The following MTSS1 variants were observed in gnomAD, a reference collection of about 807,000 sequenced individuals.
The protein encoded by MTSS1 is protein MTSS 1.
In MTSS1, 18 loss-of-function variants were observed where a neutral mutation model predicts 79.0. The observed-to-expected ratio is 0.23, with a 90% CI of 0.16 to 0.34. The LOEUF (loss-of-function observed/expected upper bound fraction) is 0.34, where lower values mean the gene tolerates loss of function less well. Among genes scored for constraint, MTSS1 ranks in the 10% least tolerant of loss-of-function variants. MTSS1 has a pLI of 1.00. For synonymous variants in MTSS1, 341 were observed against 368.6 expected, an observed-to-expected ratio of 0.93 and a Z score of 0.86; for missense variants, 815 against 986.2, an observed-to-expected ratio of 0.83 and a Z score of 2.33.
intron 6 of MTSS1, 60 bp downstream of exon 6, chr8:124,585,027 C>G: frequency 6.8e-7 from 1 of 1,474,030 alleles, no homozygotes; most frequent in Non-Finnish European, 9.4e-7. Flanking sequence ...CCTTTCACTT[C>G]AAAAACAAAT....
chr8:124,666,049 C>T (rs1484025531), intron 3 of MTSS1, among the ~76,000 whole-genome samples: 1 of 152,180 alleles, frequency 6.6e-6, no homozygotes, highest in Non-Finnish European at 1.5e-5. Flanking sequence ...AGAGACAACA[C>T]ACATATTAAT....
chr8:124,660,432 GCACACACACACACACA>G (rs5894719), intron 3 of MTSS1, among the ~76,000 whole-genome samples: 4 of 140,704 alleles, frequency 2.8e-5, no homozygotes, highest in Admixed American at 7.1e-5. Context: ...CCATGCGCAT[GCACACACACACACACA>G]CACACACACA....
chr8:124,595,902 G>A (rs757965986), intron 3 of MTSS1, among the ~76,000 whole-genome samples: 26 of 152,298 alleles, frequency 1.7e-4, no homozygotes, highest in Non-Finnish European at 2.5e-4. Context: ...GCTGCTTCAG[G>A]GATGGGACAA....
At chr8:124,649,187 T>C (rs2134137302) in intron 3 of MTSS1, among the ~76,000 whole-genome samples, 1 of 152,340 alleles carries the variant, frequency 6.6e-6, no homozygotes, top group South Asian at 2.1e-4. Flanking sequence ...GGGCCATCTG[T>C]TTATCTATTA....
chr8:124,725,319 TCAGAAGATGGAGGGTGC>T (rs1833539015), intron 1 of MTSS1, among the ~76,000 whole-genome samples: 1 of 151,670 alleles, frequency 6.6e-6, no homozygotes, highest in Non-Finnish European at 1.5e-5. Context: ...TTCTCTGGTT[TCAGAAGATGGAGGGTGC>T]CAGGCCTTGA....
chr8:124,617,315 C>A (rs548550779), intron 3 of MTSS1, among the ~76,000 whole-genome samples: 1 of 152,196 alleles, frequency 6.6e-6, no homozygotes, highest in Non-Finnish European at 1.5e-5. Flanking sequence ...AAGGACCCAC[C>A]AGAGAGCCCG....
At chr8:124,584,320 A>T (rs527315738) in intron 6 of MTSS1, among the ~76,000 whole-genome samples, 15 of 152,370 alleles carry the variant, frequency 9.8e-5, no homozygotes, top group African/African-American at 2.6e-4. Flanking sequence ...GTGAAGCAGC[A>T]GATTCAGAAA....
chr8:124,580,346 T>C lies in MTSS1; in HGVS notation c.460+4741A>G, dbSNP rs1829809621. 3.0e-5 allele frequency: 17 copies of C among 559,900 alleles called. No individual in the cohort carries two copies. In the East Asian group the frequency reaches 3.9e-4, roughly 13 times the overall value. The allele number at this position is 559,900 out of a possible 1,614,324, so 34.7% of individuals were successfully genotyped here. On this transcript the variant is annotated intron_variant, in intron 6 of 13. Transcript: ENST00000518547. ...CAGAGTGTTGTGCTAACATCGTAAA[T>C]GGCTAAACATCCAAAAAAGAAAACA...
intron 3 of MTSS1, among the ~76,000 whole-genome samples, chr8:124,606,758 C>T (rs1430049438): frequency 1.3e-5 from 2 of 152,080 alleles, no homozygotes; most frequent in African/African-American, 2.4e-5. Flanking sequence ...GCCACTTCCT[C>T]GCTCAACTGT....
chr8:124,602,363 C>T (rs958178201), intron 3 of MTSS1, among the ~76,000 whole-genome samples: 3 of 151,714 alleles, frequency 2.0e-5, no homozygotes, highest in Admixed American at 6.6e-5. Flanking sequence ...CTACACCTGG[C>T]TAAGTTTTGT....
rs1823642219 is a variant in MTSS1, at chr8:124,555,987, C to CTT, written c.1405-84_1405-83insAA. ...TCCTGTTCTGCCCCCGTGAGCACTACATGTCTGTGGGGCCAGGGGGCTATT... is the reference window on the plus strand; with the variant it reads ...TCCTGTTCTGCCCCCGTGAGCACTACTTATGTCTGTGGGGCCAGGGGGCTATT... On this transcript the variant is annotated intron_variant, in intron 12 of 13. Coordinates refer to ENST00000518547, the MANE Select transcript of MTSS1 (RefSeq NM_014751.6). 5.7e-6 allele frequency: 9 copies of CTT among 1,566,788 alleles called. No individual in the cohort carries two copies. The East Asian group carries it at 1.9e-4, about 32-fold the overall frequency.
rs1368118097 is a variant in MTSS1, at chr8:124,589,489, G to A, written c.385+131C>T. The A allele has an allele frequency of 4.6e-6, 3 of 657,442 alleles. No individual in the cohort carries two copies. In the South Asian group the frequency reaches 6.2e-5, roughly 14 times the overall value. The allele number at this position is 657,442 out of a possible 1,614,324, so 40.7% of individuals were successfully genotyped here. ...CTGACACGGACGTGCCTACAGGAGA[G>A]TAGGGACAGAGTGGGCCCTTGGCTG... On this transcript the variant is annotated intron_variant, in intron 5 of 13. Coordinates refer to ENST00000518547, the MANE Select transcript of MTSS1 (RefSeq NM_014751.6).
At chr8:124,617,344 C>G (rs996909959) in intron 3 of MTSS1, among the ~76,000 whole-genome samples, 8 of 152,136 alleles carry the variant, frequency 5.3e-5, no homozygotes, top group Non-Finnish European at 7.4e-5. Flanking sequence ...CAGGGGGCTC[C>G]CATTCAGACC....
intron 3 of MTSS1, among the ~76,000 whole-genome samples, chr8:124,660,226 G>A (rs371973373): frequency 3.3e-5 from 5 of 151,982 alleles, no homozygotes; most frequent in African/African-American, 4.8e-5. Flanking sequence ...AAAAGCATTC[G>A]GCAGCCCAGA....
intron 1 of MTSS1, among the ~76,000 whole-genome samples, chr8:124,726,010 G>T (rs1833645590): frequency 6.6e-6 from 1 of 152,086 alleles, no homozygotes; most frequent in Non-Finnish European, 1.5e-5. Context: ...TAAAATAAAT[G>T]ATTTCCCATA....
chr8:124,707,981 C>T (rs544069614), intron 1 of MTSS1, among the ~76,000 whole-genome samples: 1 of 152,184 alleles, frequency 6.6e-6, no homozygotes, highest in South Asian at 2.1e-4. Flanking sequence ...TAGTCACAGC[C>T]CTGCCAGTCA....
At chr8:124,586,806 TG>T (rs1830941106) in intron 5 of MTSS1, among the ~76,000 whole-genome samples, 1 of 152,198 alleles carries the variant, frequency 6.6e-6, no homozygotes, top group Non-Finnish European at 1.5e-5. Flanking sequence ...TCTTCATCTC[TG>T]TATGTGACCC....
At chr8:124,619,707 G>T (rs2133497719) in intron 3 of MTSS1, among the ~76,000 whole-genome samples, 1 of 152,194 alleles carries the variant, frequency 6.6e-6, no homozygotes, top group African/African-American at 2.4e-5. Context: ...ATCACTAGCT[G>T]GCTGGATGTA....
At chr8:124,600,052 A>AAAAAC (rs1281942494) in intron 3 of MTSS1, among the ~76,000 whole-genome samples, 15 of 77,318 alleles carry the variant, frequency 1.9e-4, no homozygotes, top group African/African-American at 1.4e-3. Context: ...AAAAAAAAAA[A>AAAAAC]AACAAAAAAA....
Sources: gnomAD v4.1 joint callset for allele counts (sites outside exome capture counted in the v4.1 genomes callset) on GRCh38, gnomAD v4.1.1 for gene constraint, MANE v1.5 for transcripts, NCBI Gene and HGNC (gene_info 2026-07-23, HGNC 2026-07-21) for gene names.